Variants in SPC25 observed in about 807,000 individuals in gnomAD.
The protein encoded by SPC25 is SPC25 component of NDC80 kinetochore complex.
In SPC25, 22 loss-of-function variants were observed where a neutral mutation model predicts 29.6. That is an observed-to-expected ratio of 0.74 (90% CI 0.53 to 1.06). The LOEUF (loss-of-function observed/expected upper bound fraction) is 1.06, where lower values mean the gene tolerates loss of function less well. SPC25 is among the 50% of genes least tolerant of loss of function. The pLI, the probability that SPC25 is intolerant of heterozygous loss-of-function variation, is 0.00. For synonymous variants in SPC25, 91 were observed against 90.4 expected (o/e 1.01, Z -0.04); for missense variants, 230 against 255.8 (o/e 0.90, Z 0.69).
At chr2:168,866,654 G>A (rs2105816165), downstream of SPC25, among the ~76,000 whole-genome samples, 2 of 152,278 alleles carry the variant, frequency 1.3e-5, no homozygotes, top group East Asian at 3.9e-4. Context: ...AAGAGCTTCT[G>A]CACAGCAAAA....
chr2:168,869,773 C>T (rs1185839368), downstream of SPC25, among the ~76,000 whole-genome samples: 1 of 152,162 alleles, frequency 6.6e-6, no homozygotes, highest in African/African-American at 2.4e-5. Flanking sequence ...TGAAAATGGC[C>T]ATGTTGCCCA....
chr2:168,873,162 T>C (rs1014430047), intron 6 of SPC25, among the ~76,000 whole-genome samples: 5 of 152,212 alleles, frequency 3.3e-5, no homozygotes, highest in Admixed American at 6.5e-5. Context: ...AAAATTATTT[T>C]TGGGAAAATA....
At chr2:168,864,223 C>T (rs1386434549) in intron 4 of SPC25, among the ~76,000 whole-genome samples, 2 of 151,782 alleles carry the variant, frequency 1.3e-5, no homozygotes, top group African/African-American at 2.4e-5. Context: ...CTAATCTGCC[C>T]ATCGCGGCCT....
At chr2:168,887,585 C>A (rs1255308652) in intron 3 of SPC25, among the ~76,000 whole-genome samples, 1 of 152,038 alleles carries the variant, frequency 6.6e-6, no homozygotes, top group Non-Finnish European at 1.5e-5. Flanking sequence ...AGAACATATG[C>A]CCCATGTAAG....
At chr2:168,866,317 A>G (rs1689850235), downstream of SPC25, among the ~76,000 whole-genome samples, 1 of 152,308 alleles carries the variant, frequency 6.6e-6, no homozygotes, top group Non-Finnish European at 1.5e-5. Flanking sequence ...CTCAGAAATA[A>G]TCCCGCATAT....
rs5836210 is a variant in SPC25, at chr2:168,871,559, G to GAAA, written c.551-7_551-5dup. The GAAA allele has an allele frequency of 3.7e-6, 5 of 1,347,660 alleles. No homozygotes were observed. Among genetic ancestry groups the GAAA allele is most frequent in the Non-Finnish European group, 4.0e-6 (4 of 1,009,272 alleles). 83.5% of individuals were successfully genotyped at this position (1,347,660 alleles called of 1,614,324 possible). A position where few individuals can be genotyped will look rare whatever the true frequency, so the allele number is the denominator to read the frequency against. On this transcript the variant is annotated splice_polypyrimidine_tract_variant and splice_region_variant and intron_variant, in intron 6 of 6. Transcript: ENST00000282074. ...AGATGAGGGGCACTATCTGACACTA[G>GAAA]AAAAAAAAAAAAAAGAAATCAAAGA...
At chr2:168,885,546 G>A (rs1257576415) in intron 3 of SPC25, among the ~76,000 whole-genome samples, 18 of 152,136 alleles carry the variant, frequency 1.2e-4, no homozygotes, top group Admixed American at 1.2e-3. Context: ...TGCACAACAT[G>A]GAATGTCCAT....
chr2:168,889,160 TGA>T, intron 3 of SPC25, 64 bp downstream of exon 3: 1 of 1,397,488 alleles, frequency 7.2e-7, no homozygotes, highest in African/African-American at 1.4e-5. Flanking sequence ...CTTACTTGTA[TGA>T]GAGATTTCAT....
In SPC25 at chr2:168,871,469, T is replaced by C; in HGVS notation, c.637A>G (p.Asn213Asp). 5 of 1,610,682 alleles carry C rather than the reference T, an allele frequency of 3.1e-6. No individual in the cohort carries two copies. Among genetic ancestry groups the C allele is most frequent in the Non-Finnish European group, 3.4e-6 (4 of 1,178,666 alleles). Reference protein sequence around the residue: ...KTNNFSAFLANVRKAFTATVY... With the variant: ...KTNNFSAFLADVRKAFTATVY... ...GTGGCAGTAAAAGCTTTCCGAACAT[T>C]GGCAAGAAAAGCTGAAAAATTGTTG... The change falls in exon 7 of 7, where the codon AAT becomes GAT. Residue 213 changes from asparagine to aspartate, a missense_variant. Transcript: ENST00000282074.
Position 168,871,376 on chromosome 2 carries a change from A to AC in SPC25, c.*54_*55insG. The AC allele has an allele frequency of 6.7e-7, 1 of 1,490,468 alleles. No individual in the cohort carries two copies. The highest frequency in any genetic ancestry group is 9.0e-7 in the Non-Finnish European group (1 of 1,108,492). The allele number at this position is 1,490,468 out of a possible 1,614,324, so 92.3% of individuals were successfully genotyped here. A position where few individuals can be genotyped will look rare whatever the true frequency, so the allele number is the denominator to read the frequency against. On this transcript the variant is annotated 3_prime_UTR_variant, in exon 7 of 7. Coordinates refer to ENST00000282074, the MANE Select transcript of SPC25 (RefSeq NM_020675.4). ...TAATAATAATAAAAACAAGAAAAAAAGAGATATGTAATAGAGAAGAAAAAT... is the reference window on the plus strand; with the variant it reads ...TAATAATAATAAAAACAAGAAAAAAACGAGATATGTAATAGAGAAGAAAAAT...
chr2:168,865,467 C>CAAATTAGGGGATGGTAGG (rs1192814189), intron 4 of SPC25: 1 of 153,688 alleles, frequency 6.5e-6, no homozygotes, highest in African/African-American at 2.4e-5. Flanking sequence ...GAGATCAACC[C>CAAATTAGGGGATGGTAGG]AAATTAGGGG....
chr2:168,874,228 C>T (rs900715150), intron 5 of SPC25, among the ~76,000 whole-genome samples: 1 of 152,042 alleles, frequency 6.6e-6, no homozygotes, highest in Non-Finnish European at 1.5e-5. Context: ...TGGAAAATAA[C>T]AGTGTTGGTG....
At chr2:168,867,811 C>A (rs1457197187), downstream of SPC25, among the ~76,000 whole-genome samples, 3 of 152,146 alleles carry the variant, frequency 2.0e-5, no homozygotes, top group African/African-American at 2.4e-5. Flanking sequence ...AGAAAGTTAA[C>A]AAGGATATCC....
intron 4 of SPC25, among the ~76,000 whole-genome samples, chr2:168,865,782 C>T (rs989191430): frequency 6.9e-6 from 1 of 144,248 alleles, no homozygotes; most frequent in African/African-American, 2.5e-5. Context: ...TCTCAAGATA[C>T]AAAATCAATG....
chr2:168,870,623 C>T (rs1377954526), downstream of SPC25, among the ~76,000 whole-genome samples: 2 of 151,522 alleles, frequency 1.3e-5, no homozygotes, highest in African/African-American at 2.4e-5. Flanking sequence ...TCATCACTGG[C>T]CATCAGAGAA....
intron 3 of SPC25, among the ~76,000 whole-genome samples, chr2:168,881,372 C>G: frequency 6.6e-6 from 1 of 152,194 alleles, no homozygotes. Flanking sequence ...GGCCAAACCT[C>G]TCTGCTGGGA....
chr2:168,883,216 GA>G (rs978819199), intron 3 of SPC25, among the ~76,000 whole-genome samples: 5 of 148,700 alleles, frequency 3.4e-5, no homozygotes, highest in African/African-American at 4.9e-5. Context: ...TCTCAAAGTT[GA>G]AAAAAAAAGA....
chr2:168,876,012 T>C, intron 5 of SPC25, 60 bp downstream of exon 5: 2 of 933,974 alleles, frequency 2.1e-6, no homozygotes, highest in Admixed American at 3.9e-5. Flanking sequence ...AATTTTCCTC[T>C]ACTTAAGAAA....
chr2:168,880,329 C>T (rs761850508), intron 3 of SPC25, among the ~76,000 whole-genome samples: 54 of 152,334 alleles, frequency 3.5e-4, no homozygotes, highest in South Asian at 1.5e-3. Flanking sequence ...TCTGCTTCAT[C>T]TTGCATTTTT....
Sources: gnomAD v4.1 joint callset for allele counts (sites outside exome capture counted in the v4.1 genomes callset) on GRCh38, gnomAD v4.1.1 for gene constraint, MANE v1.5 for transcripts, NCBI Gene and HGNC (gene_info 2026-07-23, HGNC 2026-07-21) for gene names.